Variants in SPINK9 observed in about 807,000 individuals in gnomAD.
The protein encoded by SPINK9 is serine peptidase inhibitor Kazal type 9.
Under a neutral mutation model 10.8 loss-of-function variants are expected in SPINK9, and 3 were observed. The observed-to-expected ratio is 0.28, with a 90% CI of 0.13 to 0.72. The LOEUF is 0.72. SPINK9 is among the 30% of genes least tolerant of loss of function. The pLI is 0.74. For synonymous variants in SPINK9, 30 were observed against 31.2 expected (o/e 0.96, Z 0.12); for missense variants, 101 against 103.2 (o/e 0.98, Z 0.09).
At chr5:148,325,392 A>G (rs1757045997) in intron 2 of SPINK9, among the ~76,000 whole-genome samples, 1 of 152,110 alleles carries the variant, frequency 6.6e-6, no homozygotes, top group Non-Finnish European at 1.5e-5. Flanking sequence ...CATTTATACC[A>G]GCGATGTATA....
rs1487902099 is a variant in SPINK9, at chr5:148,338,711, CT to C, written c.215+107del. 3.7e-6 allele frequency: 3 copies of C among 803,884 alleles called. No homozygotes were observed. In the African/African-American group the frequency reaches 5.4e-5, roughly 14 times the overall value. The allele number at this position is 803,884 out of a possible 1,614,324, so 49.8% of individuals were successfully genotyped here. On this transcript the variant is annotated intron_variant, in intron 3 of 3. Transcript: ENST00000377906. ...TAAGGAATATGTGAATCATATCATA[CT>C]GTCTCTAACAAACAGAACCTTCCAG...
chr5:148,334,436 C>T (rs1177095348), upstream of SPINK9, among the ~76,000 whole-genome samples: 1 of 152,114 alleles, frequency 6.6e-6, no homozygotes, highest in Non-Finnish European at 1.5e-5. Context: ...TTCGGTTGGG[C>T]ACAGAGGTTC....
upstream of SPINK9, among the ~76,000 whole-genome samples, chr5:148,331,841 T>C (rs560395463): frequency 2.6e-5 from 4 of 152,366 alleles, no homozygotes; most frequent in East Asian, 5.8e-4. Context: ...GTCTCTATTA[T>C]ACTGTTTTGA....
At chr5:148,331,804 A>G (rs142717684), upstream of SPINK9, among the ~76,000 whole-genome samples, 5 of 152,320 alleles carry the variant, frequency 3.3e-5, no homozygotes, top group East Asian at 9.6e-4. Context: ...TTCACCATAA[A>G]AGAATTTATT....
chr5:148,323,881 C>T (rs756807189), intron 2 of SPINK9: 3 of 686,958 alleles, frequency 4.4e-6, no homozygotes, highest in African/African-American at 1.8e-5. Flanking sequence ...ATGTAGCCCG[C>T]GAAAGTAATT....
intron 1 of SPINK9, 88 bp downstream of exon 1, chr5:148,335,756 C>T (rs1757209329): frequency 7.0e-7 from 1 of 1,434,952 alleles, no homozygotes; most frequent in African/African-American, 1.4e-5. Context: ...ATATGTAATT[C>T]ATCACATAAA....
chr5:148,323,761 T>G (rs1350816912), exon 2 of SPINK9: 3 of 700,190 alleles, frequency 4.3e-6, no homozygotes, highest in South Asian at 1.5e-5. Flanking sequence ...ATGGTCTTTA[T>G]GAATCCTTCT....
upstream of SPINK9, among the ~76,000 whole-genome samples, chr5:148,333,588 C>T (rs972558259): frequency 6.6e-6 from 1 of 152,116 alleles, no homozygotes; most frequent in Non-Finnish European, 1.5e-5. Flanking sequence ...AGGTCATTGC[C>T]ATGGAAAGGG....
intron 2 of SPINK9, among the ~76,000 whole-genome samples, chr5:148,326,837 A>G (rs1444502312): frequency 1.3e-5 from 2 of 152,152 alleles, no homozygotes; most frequent in African/African-American, 4.8e-5. Context: ...TACAAAGGAC[A>G]TGAACTCATC....
intron 2 of SPINK9, among the ~76,000 whole-genome samples, chr5:148,324,883 G>T (rs773339886): frequency 1.2e-4 from 18 of 151,898 alleles, no homozygotes; most frequent in Admixed American, 3.3e-4. Context: ...CTAATGCCAG[G>T]ACATTTCATT....
At chr5:148,332,786 T>C (rs972872979), upstream of SPINK9, among the ~76,000 whole-genome samples, 2 of 152,278 alleles carry the variant, frequency 1.3e-5, no homozygotes, top group South Asian at 2.1e-4. Flanking sequence ...ATAACTCACA[T>C]TAACTTGGAT....
rs115850375 is a variant in SPINK9, at chr5:148,338,853, C to A, written c.215+248C>A. ...AAAGGAAATATATGGTCATCTAGTT[C>A]AACTTCCACTTGATAATCTATTGCT... On this transcript the variant is annotated intron_variant, in intron 3 of 3. Coordinates refer to ENST00000377906, the MANE Select transcript of SPINK9 (RefSeq NM_001040433.2). Among the ~76,000 whole-genome samples the A allele has an allele frequency of 2.6e-3, 399 of 152,176 alleles. 1 individual carries two copies. Among genetic ancestry groups the A allele is most frequent in the African/African-American group, 9.2e-3 (382 of 41,546 alleles).
At chr5:148,327,915 A>G (rs1421144345) in intron 2 of SPINK9, among the ~76,000 whole-genome samples, 1 of 152,060 alleles carries the variant, frequency 6.6e-6, no homozygotes, top group Non-Finnish European at 1.5e-5. Context: ...GTAGCCTTGT[A>G]GTATAGTTTG....
At chr5:148,329,412 C>A (rs190500322) in intron 2 of SPINK9, among the ~76,000 whole-genome samples, 9 of 151,978 alleles carry the variant, frequency 5.9e-5, no homozygotes, top group East Asian at 3.9e-4. Flanking sequence ...CTTTATTAGT[C>A]TTGCTAGCCG....
chr5:148,326,297 T>C (rs934097097), intron 2 of SPINK9, among the ~76,000 whole-genome samples: 1 of 152,144 alleles, frequency 6.6e-6, no homozygotes, highest in Non-Finnish European at 1.5e-5. Flanking sequence ...GTTGGTGGGA[T>C]TGTGAATTAG....
chr5:148,330,210 T>G (rs1757129160), intron 2 of SPINK9, among the ~76,000 whole-genome samples: 1 of 152,238 alleles, frequency 6.6e-6, no homozygotes, highest in African/African-American at 2.4e-5. Context: ...GCACATTTAT[T>G]TAGGATAGTT....
exon 2 of SPINK9, chr5:148,323,848 C>T (rs1229993032): frequency 5.0e-5 from 35 of 700,712 alleles, no homozygotes; most frequent in Middle Eastern, 2.3e-4. Context: ...ATGGGCTTAA[C>T]GCAACCTGAA....
chr5:148,326,941 C>G (rs1440242145), intron 2 of SPINK9, among the ~76,000 whole-genome samples: 4 of 151,938 alleles, frequency 2.6e-5, no homozygotes, highest in African/African-American at 9.7e-5. Flanking sequence ...GGTTCCAAGT[C>G]TTTGCTATTG....
At chr5:148,323,880 G>T in intron 2 of SPINK9, 1 of 688,644 alleles carries the variant, frequency 1.5e-6, no homozygotes, top group South Asian at 1.5e-5. Context: ...TATGTAGCCC[G>T]CGAAAGTAAT....
Sources: allele counts gnomAD v4.1 joint callset (sites outside exome capture counted in the v4.1 genomes callset), GRCh38; gene constraint gnomAD v4.1.1; transcripts MANE v1.5; gene names NCBI Gene and HGNC (gene_info 2026-07-23, HGNC 2026-07-21).